Variants in PACRG observed in about 807,000 individuals in gnomAD.
PACRG encodes parkin coregulated gene protein.
A neutral mutation model predicts 29.7 loss-of-function variants in PACRG; 29 were observed. That is an observed-to-expected ratio of 0.98 (90% confidence interval 0.73 to 1.33). The LOEUF (loss-of-function observed/expected upper bound fraction) is 1.33. PACRG is among the 40% of genes most tolerant of loss of function. The pLI, the probability that PACRG is intolerant of heterozygous loss-of-function variation, is 0.00. For synonymous variants in PACRG, 116 were observed against 118.7 expected (o/e 0.98, Z 0.15); for missense variants, 279 against 316.2 (o/e 0.88, Z 0.89).
intron 1 of PACRG, among the ~76,000 whole-genome samples, chr6:162,743,383 CTT>C (rs773638669): frequency 2.0e-5 from 3 of 152,076 alleles, no homozygotes; most frequent in Non-Finnish European, 4.4e-5. Flanking sequence ...GTTAATCACT[CTT>C]GAATTATTCC....
intron 4 of PACRG, among the ~76,000 whole-genome samples, chr6:163,301,072 C>T (rs1249024073): frequency 6.6e-6 from 1 of 150,626 alleles, no homozygotes; most frequent in East Asian, 2.0e-4. Context: ...TCCGCTGCTT[C>T]CCGTGAGTTT....
intron 2 of PACRG, among the ~76,000 whole-genome samples, chr6:162,840,972 T>A (rs1403084316): frequency 4.5e-5 from 1 of 21,996 alleles, no homozygotes; most frequent in African/African-American, 3.1e-4. Context: ...ATAAGCTTTT[T>A]GATGTGCTGC....
At chr6:162,988,484 G>T (rs1803106708) in intron 2 of PACRG, among the ~76,000 whole-genome samples, 1 of 152,182 alleles carries the variant, frequency 6.6e-6, no homozygotes, top group Non-Finnish European at 1.5e-5. Context: ...TCATTTATTG[G>T]GTATGAAAAC....
chr6:162,818,036 T>A (rs185141036), intron 2 of PACRG, among the ~76,000 whole-genome samples: 1 of 150,870 alleles, frequency 6.6e-6, no homozygotes, highest in Non-Finnish European at 1.5e-5. Context: ...TTTTTAAATA[T>A]GCATTTTCTA....
intron 2 of PACRG, among the ~76,000 whole-genome samples, chr6:163,033,888 G>A (rs1406252026): frequency 6.6e-6 from 1 of 152,150 alleles, no homozygotes; most frequent in Non-Finnish European, 1.5e-5. Flanking sequence ...AGTCTTACAG[G>A]TGTCCTAAGC....
intron 3 of PACRG, among the ~76,000 whole-genome samples, chr6:163,069,399 T>TG (rs1811843154): frequency 6.6e-6 from 1 of 151,750 alleles, no homozygotes; most frequent in Non-Finnish European, 1.5e-5. Flanking sequence ...AATTCAAAGA[T>TG]ATTCAAGATG....
intron 2 of PACRG, among the ~76,000 whole-genome samples, chr6:163,005,393 G>T (rs972592565): frequency 1.3e-5 from 2 of 152,016 alleles, no homozygotes. Context: ...TGAACCTGAG[G>T]TCATTGACTT....
intron 4 of PACRG, among the ~76,000 whole-genome samples, chr6:163,230,928 C>T (rs1289325932): frequency 8.5e-5 from 13 of 152,200 alleles, no homozygotes; most frequent in Non-Finnish European, 5.9e-5. Context: ...GTAATTACAG[C>T]CTCGTGAAAG....
chr6:163,121,336 A>G (rs185332718), intron 4 of PACRG, among the ~76,000 whole-genome samples: 22 of 152,306 alleles, frequency 1.4e-4, no homozygotes, highest in Admixed American at 1.1e-3. Context: ...GCTATGGAGT[A>G]CCCTTATCTT....
intron 2 of PACRG, among the ~76,000 whole-genome samples, chr6:162,929,697 G>A (rs1797707767): frequency 1.3e-5 from 2 of 151,954 alleles, no homozygotes; most frequent in South Asian, 4.1e-4. Context: ...TCTCCGGGTA[G>A]TTTCACAGTT....
chr6:162,812,978 C>T lies in PACRG; in HGVS notation c.157-1169C>T, dbSNP rs188698213. Among the ~76,000 whole-genome samples the T allele has an allele frequency of 5.9e-5, 9 of 152,038 alleles. No homozygotes were observed. In the East Asian group the frequency reaches 1.4e-3, roughly 23 times the overall value. ...CTAAACTCTAATAAATGTGTGTTAC[C>T]TCACTCTTCAACTCCACTTCAGCAT... On this transcript the variant is annotated intron_variant, in intron 1 of 4. Transcript: ENST00000366888.
intron 1 of PACRG, among the ~76,000 whole-genome samples, chr6:162,744,084 T>G (rs1268963230): frequency 6.6e-6 from 1 of 152,208 alleles, no homozygotes; most frequent in Non-Finnish European, 1.5e-5. Context: ...TATGGTTTGA[T>G]TATGATTTTA....
At chr6:162,780,194 C>A (rs1783988189) in intron 1 of PACRG, among the ~76,000 whole-genome samples, 1 of 152,054 alleles carries the variant, frequency 6.6e-6, no homozygotes. Flanking sequence ...AGTTCCTTTT[C>A]CCAATAGCCA....
intron 2 of PACRG, chr6:163,051,421 A>G (rs2128248032): frequency 6.6e-6 from 1 of 151,460 alleles, no homozygotes; most frequent in East Asian, 2.0e-4. Context: ...ATGTTTTTAC[A>G]TTTGCTTTGG....
chr6:162,729,062 A>G (rs1779527192), intron 1 of PACRG, among the ~76,000 whole-genome samples: 1 of 152,216 alleles, frequency 6.6e-6, no homozygotes, highest in South Asian at 2.1e-4. Flanking sequence ...TTGTAGTAAT[A>G]AAAATAAAAT....
intron 2 of PACRG, among the ~76,000 whole-genome samples, chr6:163,023,709 C>T (rs182655596): frequency 2.1e-3 from 324 of 152,248 alleles, no homozygotes; most frequent in Non-Finnish European, 3.6e-3. Context: ...TATAAGTGTT[C>T]GCTTTTCTCT....
intron 4 of PACRG, among the ~76,000 whole-genome samples, chr6:163,154,328 G>A (rs994584761): frequency 6.6e-6 from 1 of 152,226 alleles, no homozygotes; most frequent in Non-Finnish European, 1.5e-5. Context: ...TGAGGAAAAT[G>A]GCCAGCAGTT....
rs1287737140 is a variant in PACRG at position 162,842,059 on chromosome 6, A to G, written c.291+27778A>G. Among the ~76,000 whole-genome samples, 6 of 150,226 alleles carry G rather than the reference A, an allele frequency of 4.0e-5. No homozygotes were observed. The East Asian group carries it at 5.9e-4, about 15-fold the overall frequency. On this transcript the variant is annotated intron_variant, in intron 2 of 4. Coordinates refer to ENST00000366888, the MANE Select transcript of PACRG (RefSeq NM_001080379.2). ...AATAGGTGTGGTGTGGTGCTGAAAA[A>G]AATGTATATTCTGTTGATTTGGGGT...
At chr6:163,005,397 T>C (rs1029162769) in intron 2 of PACRG, among the ~76,000 whole-genome samples, 1 of 152,060 alleles carries the variant, frequency 6.6e-6, no homozygotes, top group African/African-American at 2.4e-5. Context: ...CCTGAGGTCA[T>C]TGACTTCAGA....
Sources: allele counts gnomAD v4.1 joint callset (sites outside exome capture counted in the v4.1 genomes callset), GRCh38; gene constraint gnomAD v4.1.1; transcripts MANE v1.5; gene names NCBI Gene and HGNC (gene_info 2026-07-23, HGNC 2026-07-21).